The following CGRRF1 variants were observed in gnomAD, a reference collection of about 807,000 sequenced individuals.
The protein encoded by CGRRF1 is cell growth regulator with RING finger domain protein 1.
CGRRF1 carries 32 observed loss-of-function variants against 37.2 expected under a neutral mutation model. The observed-to-expected ratio is 0.86, with a 90% confidence interval of 0.65 to 1.16. CGRRF1 has a LOEUF of 1.16. Ranked by LOEUF, CGRRF1 falls within the 50% of genes most tolerant of loss-of-function variation. The pLI, the probability that CGRRF1 is intolerant of heterozygous loss-of-function variation, is 0.00. For missense variants in CGRRF1, 391 were observed against 382.6 expected (o/e 1.02, Z -0.18); for synonymous variants, 141 against 140.3 (o/e 1.00, Z -0.04).
intron 1 of CGRRF1, among the ~76,000 whole-genome samples, chr14:54,517,537 T>TC (rs2032238370): frequency 6.6e-6 from 1 of 152,226 alleles, no homozygotes; most frequent in African/African-American, 2.4e-5. Flanking sequence ...GTTACTTTTC[T>TC]CCCTTTGTTA....
At chr14:54,513,832 G>A (rs947211102) in intron 1 of CGRRF1, among the ~76,000 whole-genome samples, 1 of 152,066 alleles carries the variant, frequency 6.6e-6, no homozygotes, top group Admixed American at 6.6e-5. Flanking sequence ...CAGGCATGGT[G>A]GCAGGTGCCT....
At chr14:54,523,517 CT>C (rs200889308) in intron 2 of CGRRF1, among the ~76,000 whole-genome samples, 3 of 148,820 alleles carry the variant, frequency 2.0e-5, no homozygotes, top group Admixed American at 6.7e-5. Flanking sequence ...GTCTCTCTTA[CT>C]TTTTTTTTCT....
chr14:54,532,266 T>A (rs966353731), intron 4 of CGRRF1, among the ~76,000 whole-genome samples: 9 of 152,078 alleles, frequency 5.9e-5, no homozygotes, highest in South Asian at 2.1e-4. Flanking sequence ...GCACCTAGGT[T>A]TTTGGTTTTT....
intron 1 of CGRRF1, among the ~76,000 whole-genome samples, chr14:54,521,027 A>T (rs540942247): frequency 1.3e-5 from 2 of 152,192 alleles, no homozygotes; most frequent in East Asian, 3.9e-4. Context: ...GCTGTTTTTT[A>T]ATTTTATTGG....
rs1232868394 is a variant in CGRRF1 at position 54,530,103 on chromosome 14, G to A, written c.299G>A (p.Trp100Ter). ...CLEDSLLTCY[W>*]GCSVQKLYEA... is the part of the protein sequence containing the mutation. ...GAAGATAGCCTCCTTACATGCTACT[G>A]GGGGTGCAGTGTTCAAAAATTATAT... Residue 100 changes from tryptophan (W) to a stop codon, truncating the protein, a stop_gained, in exon 3 of 6, where the codon TGG (tryptophan) becomes TAG (stop). Coordinates refer to ENST00000216420, the MANE Select transcript of CGRRF1 (RefSeq NM_006568.3). LOFTEE classifies it high-confidence loss of function. 1 of 1,613,556 alleles carries A rather than the reference G, an allele frequency of 6.2e-7. No homozygotes were observed. The highest frequency in any genetic ancestry group is 8.5e-7 in the Non-Finnish European group (1 of 1,179,572).
intron 4 of CGRRF1, among the ~76,000 whole-genome samples, chr14:54,532,132 T>C (rs2032526294): frequency 6.6e-6 from 1 of 152,116 alleles, no homozygotes; most frequent in Non-Finnish European, 1.5e-5. Flanking sequence ...GTGTGTTTGT[T>C]TGTTTTTGTT....
rs752911491 is a variant in CGRRF1, at chr14:54,530,114, G to C, written c.310G>C (p.Val104Leu). Reference sequence around the variant, plus strand: ...CCTTACATGCTACTGGGGGTGCAGTGTTCAAAAATTATATGAAGCTCTGCA... The same window carrying C: ...CCTTACATGCTACTGGGGGTGCAGTCTTCAAAAATTATATGAAGCTCTGCA... ...SLLTCYWGCSVQKLYEALQKH... is the reference protein window; with the variant it reads ...SLLTCYWGCSLQKLYEALQKH... Residue 104 changes from valine (V) to leucine (L), a missense_variant, in exon 3 of 6, where the codon GTT becomes CTT. Physicochemically the swap from Val to Leu is conservative, Grantham distance 32. Coordinates refer to ENST00000216420, the MANE Select transcript of CGRRF1 (RefSeq NM_006568.3). 1.2e-6 allele frequency: 2 copies of C among 1,613,514 alleles called. No homozygotes were observed. The highest frequency in any genetic ancestry group is 1.7e-6 in the Non-Finnish European group (2 of 1,179,682).
intron 3 of CGRRF1, 39 bp downstream of exon 3, chr14:54,530,265 T>A: frequency 6.7e-7 from 1 of 1,492,310 alleles, no homozygotes; most frequent in East Asian, 2.3e-5. Context: ...CACTGAAAAT[T>A]AGACTTCTTA....
At chr14:54,530,316 C>T (rs376023089) in intron 3 of CGRRF1, 90 bp downstream of exon 3, 19 of 1,354,244 alleles carry the variant, frequency 1.4e-5, no homozygotes, top group Admixed American at 1.9e-5. Context: ...TCTTGGTATA[C>T]TAGAAGCATG....
chr14:54,524,050 T>A (rs948048457), intron 2 of CGRRF1, among the ~76,000 whole-genome samples: 2 of 152,226 alleles, frequency 1.3e-5, no homozygotes, highest in African/African-American at 4.8e-5. Flanking sequence ...TTTTTACTCC[T>A]CAGTGCAGTG....
At chr14:54,511,926 C>T (rs2032135912) in intron 1 of CGRRF1, among the ~76,000 whole-genome samples, 1 of 152,210 alleles carries the variant, frequency 6.6e-6, no homozygotes, top group Non-Finnish European at 1.5e-5. Flanking sequence ...CAACCATTCT[C>T]TCCATCCGAG....
chr14:54,522,795 C>T (rs1301665265), intron 2 of CGRRF1, among the ~76,000 whole-genome samples: 1 of 152,096 alleles, frequency 6.6e-6, no homozygotes, highest in African/African-American at 2.4e-5. Flanking sequence ...AATTTATCAC[C>T]TAGTAAACAG....
intron 1 of CGRRF1, among the ~76,000 whole-genome samples, chr14:54,515,666 G>C (rs2032203485): frequency 6.6e-6 from 1 of 152,110 alleles, no homozygotes; most frequent in South Asian, 2.1e-4. Flanking sequence ...CTATGAAATG[G>C]ACCTCTTTGA....
intron 2 of CGRRF1, among the ~76,000 whole-genome samples, chr14:54,526,141 A>G (rs1490298472): frequency 6.7e-6 from 1 of 149,878 alleles, no homozygotes; most frequent in Non-Finnish European, 1.5e-5. Flanking sequence ...ATTTATATTT[A>G]AGATTTTTTT....
intron 2 of CGRRF1, among the ~76,000 whole-genome samples, chr14:54,522,960 G>A (rs2032346935): frequency 1.3e-5 from 2 of 152,096 alleles, no homozygotes; most frequent in South Asian, 4.1e-4. Flanking sequence ...AACCTTTTGA[G>A]GAACAATTGC....
At position 54,530,229 on chromosome 14, in the gene CGRRF1, A is replaced by G; in HGVS notation, c.422+3A>G. 1 of 1,593,348 alleles carries G rather than the reference A, an allele frequency of 6.3e-7. No homozygotes were observed. Among genetic ancestry groups the G allele is most frequent in the Non-Finnish European group, 8.6e-7 (1 of 1,163,580 alleles). On this transcript the variant is annotated splice_donor_region_variant and intron_variant, in intron 3 of 5. Coordinates refer to ENST00000216420, the MANE Select transcript of CGRRF1 (RefSeq NM_006568.3). ...TATCTCTATCAGGAACAGTATTTGT[A>G]TCCTTTCGTCTGATATACCCATTAG...
At chr14:54,530,790 A>G in intron 3 of CGRRF1, 113 bp from the exon 4 acceptor site, 1 of 959,586 alleles carries the variant, frequency 1.0e-6, no homozygotes, top group African/African-American at 1.6e-5. Context: ...TATACCCATT[A>G]GCACTGAAAA....
At chr14:54,537,548 A>T (rs952626215) in intron 4 of CGRRF1, 174 bp from the exon 5 acceptor site, 1 of 585,704 alleles carries the variant, frequency 1.7e-6, no homozygotes, top group Non-Finnish European at 2.5e-6. Context: ...AGTGATTATG[A>T]TTTAATCAGA....
At chr14:54,515,660 GAA>G (rs1336582953) in intron 1 of CGRRF1, among the ~76,000 whole-genome samples, 1 of 152,182 alleles carries the variant, frequency 6.6e-6, no homozygotes, top group Non-Finnish European at 1.5e-5. Flanking sequence ...ATATCACTAT[GAA>G]ATGGACCTCT....
Sources: gnomAD v4.1 joint callset for allele counts (sites outside exome capture counted in the v4.1 genomes callset) on GRCh38, gnomAD v4.1.1 for gene constraint, MANE v1.5 for transcripts, NCBI Gene and HGNC (gene_info 2026-07-23, HGNC 2026-07-21) for gene names.